Variants in RALGAPA1 observed in about 807,000 individuals in gnomAD.
The protein encoded by RALGAPA1 is ral GTPase-activating protein subunit alpha-1.
A neutral mutation model predicts 269.6 loss-of-function variants in RALGAPA1; 52 were observed. That is an observed-to-expected ratio of 0.19 (90% confidence interval 0.15 to 0.24). The LOEUF (loss-of-function observed/expected upper bound fraction) is 0.24, where lower values mean the gene tolerates loss of function less well. Among genes scored for constraint, RALGAPA1 ranks in the 10% least tolerant of loss-of-function variants. The pLI is 1.00. For missense variants in RALGAPA1, 1,917 were observed against 3,013.9 expected (o/e 0.64, Z 8.52); for synonymous variants, 817 against 1,008.3 (o/e 0.81, Z 3.60).
At position 35,661,391 on chromosome 14, in the gene RALGAPA1, G is replaced by A. The variant is rs368984631; in HGVS notation, c.5329-2195C>T. On this transcript the variant is annotated intron_variant, in intron 27 of 41. Coordinates refer to ENST00000680220, the MANE Select transcript of RALGAPA1 (RefSeq NM_001346249.2). Reference sequence around the variant, plus strand: ...ATAAAATATTCAAAGGGGAGAAAACGAAGAACAAATACAAGGGTAAAATAT... The same window carrying A: ...ATAAAATATTCAAAGGGGAGAAAACAAAGAACAAATACAAGGGTAAAATAT... Among the ~76,000 whole-genome samples, 7 of 152,162 alleles carry A rather than the reference G, an allele frequency of 4.6e-5. No individual in the cohort carries two copies. The East Asian group carries it at 7.7e-4, about 17-fold the overall frequency.
In RALGAPA1 at chr14:35,613,367, C is replaced by T. The variant is rs144180872; in HGVS notation, c.6930-7658G>A. Among the ~76,000 whole-genome samples, 795 of 152,268 alleles carry T rather than the reference C, an allele frequency of 5.2e-3. 7 individuals are homozygous for T. Among genetic ancestry groups the T allele is most frequent in the African/African-American group, 0.018 (750 of 41,564 alleles). On this transcript the variant is annotated intron_variant, in intron 35 of 41. Transcript: ENST00000680220. The stretch of plus-strand genomic sequence containing the variant: ...AAAGTGCTGGGATTACAGGTGTGAG[C>T]CTCCACGCCCAGTCACATAACCCAA...
At chr14:35,768,900 C>A (rs1342785102) in intron 4 of RALGAPA1, among the ~76,000 whole-genome samples, 1 of 144,222 alleles carries the variant, frequency 6.9e-6, no homozygotes, top group Non-Finnish European at 1.5e-5. Context: ...CCCAGCTACT[C>A]GGGAGGCTGA....
intron 31 of RALGAPA1, among the ~76,000 whole-genome samples, chr14:35,647,551 C>A (rs1313204023): frequency 6.6e-6 from 1 of 151,992 alleles, no homozygotes; most frequent in Admixed American, 6.6e-5. Flanking sequence ...ATAATAAAAA[C>A]CCAATTCAAA....
intron 4 of RALGAPA1, among the ~76,000 whole-genome samples, chr14:35,768,050 T>C (rs995126801): frequency 1.1e-4 from 16 of 151,726 alleles, no homozygotes; most frequent in African/African-American, 2.7e-4. Context: ...GCTGGGATTA[T>C]AGGCATGAGC....
At chr14:35,776,884 A>AATTT (rs1260673412) in intron 1 of RALGAPA1, among the ~76,000 whole-genome samples, 4 of 151,990 alleles carry the variant, frequency 2.6e-5, no homozygotes, top group African/African-American at 9.7e-5. Flanking sequence ...ATTTTTTTTA[A>AATTT]ATTTACTATT....
intron 41 of RALGAPA1, among the ~76,000 whole-genome samples, chr14:35,544,618 G>A (rs2054291842): frequency 6.6e-6 from 1 of 152,150 alleles, no homozygotes. Flanking sequence ...TCTTATTTAA[G>A]ATTATTACTT....
intron 1 of RALGAPA1, among the ~76,000 whole-genome samples, chr14:35,795,769 G>A (rs2076514627): frequency 6.6e-6 from 1 of 150,584 alleles, no homozygotes; most frequent in African/African-American, 2.5e-5. Flanking sequence ...GAGACCAGGA[G>A]CTTGAGGCCA....
At chr14:35,681,544 TAAAA>T (rs1372303236) in intron 21 of RALGAPA1, among the ~76,000 whole-genome samples, 1 of 152,150 alleles carries the variant, frequency 6.6e-6, no homozygotes, top group Admixed American at 6.5e-5. Flanking sequence ...AATTAAGAAA[TAAAA>T]AATATCTTTT....
intron 21 of RALGAPA1, among the ~76,000 whole-genome samples, chr14:35,678,733 T>A (rs981693469): frequency 6.6e-6 from 1 of 152,210 alleles, no homozygotes; most frequent in African/African-American, 2.4e-5. Context: ...CTAGAACTTC[T>A]ATGTCTAGTC....
intron 7 of RALGAPA1, chr14:35,756,377 T>C (rs1000469577): frequency 1.3e-5 from 2 of 152,582 alleles, no homozygotes; most frequent in Non-Finnish European, 2.9e-5. Flanking sequence ...GCTGCTAAGG[T>C]TTCCACTACA....
At chr14:35,730,385 G>A (rs2070364319) in intron 12 of RALGAPA1, among the ~76,000 whole-genome samples, 1 of 152,166 alleles carries the variant, frequency 6.6e-6, no homozygotes, top group Non-Finnish European at 1.5e-5. Context: ...AAGCCTCCTG[G>A]CCAGAACTCA....
chr14:35,604,534 A>T (rs1456001778), intron 36 of RALGAPA1, among the ~76,000 whole-genome samples: 1 of 148,122 alleles, frequency 6.8e-6, no homozygotes, highest in Non-Finnish European at 1.5e-5. Context: ...ACTGAGAATT[A>T]AAAAAAAAAA....
chr14:35,723,144 A>C lies in RALGAPA1; in HGVS notation c.1987T>G (p.Ser663Ala). 2 of 1,607,338 alleles carry C rather than the reference A, an allele frequency of 1.2e-6. No individual in the cohort carries two copies. Among genetic ancestry groups the C allele is most frequent in the Non-Finnish European group, 1.7e-6 (2 of 1,173,928 alleles). The change falls in exon 15 of 42, where the codon TCA (serine) becomes GCA (alanine). Residue 663 changes from serine (S) to alanine (A), a missense_variant. By Grantham distance (99) the Ser-to-Ala change is moderately conservative. Coordinates refer to ENST00000680220, the MANE Select transcript of RALGAPA1 (RefSeq NM_001346249.2). ...TTAGTTAATGTCTCCATAGTCAGTG[A>C]CCACTCAGTGGCCAACTCTTCCCAA... Reference protein sequence around the residue: ...TYWEELATEWSLTMETLTKVL... With the variant: ...TYWEELATEWALTMETLTKVL...
intron 39 of RALGAPA1, among the ~76,000 whole-genome samples, 191 bp from the exon 40 acceptor site, chr14:35,549,425 C>T (rs1196539160): frequency 6.6e-6 from 1 of 152,084 alleles, no homozygotes; most frequent in Non-Finnish European, 1.5e-5. Flanking sequence ...TATGTTTACT[C>T]TTCATGATCC....
rs1354424367 is a variant in RALGAPA1, at chr14:35,579,802, TTA to T, written c.7210-7086_7210-7085del. On this transcript the variant is annotated intron_variant, in intron 37 of 41. Coordinates refer to ENST00000680220, the MANE Select transcript of RALGAPA1 (RefSeq NM_001346249.2). ...GGGCAGAGTTTCTTCTATAAGATTG[TTA>T]TATTTAGGACTCAAACAATGAGTAT... is the stretch of plus-strand genomic sequence containing the variant. 3.9e-5 allele frequency among the ~76,000 whole-genome samples: 6 copies of T among 152,236 alleles called. No homozygotes were observed. The South Asian group carries it at 1.0e-3, about 26-fold the overall frequency.
At chr14:35,656,265 A>G (rs1235690689) in intron 28 of RALGAPA1, among the ~76,000 whole-genome samples, 1 of 152,212 alleles carries the variant, frequency 6.6e-6, no homozygotes, top group Non-Finnish European at 1.5e-5. Flanking sequence ...ATTGACTGAT[A>G]ACAGCAAAAT....
intron 4 of RALGAPA1, among the ~76,000 whole-genome samples, chr14:35,764,506 T>C (rs1029487469): frequency 8.6e-5 from 13 of 151,974 alleles, no homozygotes; most frequent in Admixed American, 1.3e-4. Flanking sequence ...GGTGGGGAGG[T>C]GGTATCTTCT....
intron 10 of RALGAPA1, among the ~76,000 whole-genome samples, chr14:35,744,201 G>A (rs868010679): frequency 5.6e-4 from 85 of 151,882 alleles, no homozygotes; most frequent in African/African-American, 1.9e-3. Flanking sequence ...GAGAAAGTCC[G>A]TCTCTACTAA....
chr14:35,751,775 C>T (rs2072715206), intron 8 of RALGAPA1, among the ~76,000 whole-genome samples: 1 of 150,332 alleles, frequency 6.7e-6, no homozygotes, highest in Non-Finnish European at 1.5e-5. Context: ...CAGAGTGAGT[C>T]CCTGTCTCTT....
Sources: allele counts gnomAD v4.1 joint callset (sites outside exome capture counted in the v4.1 genomes callset), GRCh38; gene constraint gnomAD v4.1.1; transcripts MANE v1.5; gene names NCBI Gene and HGNC (gene_info 2026-07-23, HGNC 2026-07-21).